Variants in DLGAP1 observed in about 807,000 individuals in gnomAD.
DLGAP1 encodes disks large-associated protein 1.
In DLGAP1, 11 loss-of-function variants were observed where a neutral mutation model predicts 90.8. That is an observed-to-expected ratio of 0.12 (90% CI 0.08 to 0.20). The LOEUF is 0.20. DLGAP1 is among the 10% of genes least tolerant of loss of function. DLGAP1 has a pLI of 1.00. For synonymous variants in DLGAP1, 558 were observed against 540.7 expected (o/e 1.03, Z -0.44); for missense variants, 1,050 against 1,333.8 (o/e 0.79, Z 3.31).
chr18:4,374,501 A>G (rs1321051598), intron 1 of DLGAP1, among the ~76,000 whole-genome samples: 2 of 152,168 alleles, frequency 1.3e-5, no homozygotes, highest in African/African-American at 4.8e-5. Flanking sequence ...GGGTAAACAA[A>G]TGCAGGATTA....
intron 1 of DLGAP1, among the ~76,000 whole-genome samples, chr18:4,430,024 A>C (rs562934597): frequency 9.8e-5 from 15 of 152,352 alleles, no homozygotes; most frequent in Non-Finnish European, 2.1e-4. Flanking sequence ...CGACTTTAGG[A>C]ATAATGCATG....
chr18:4,015,892 A>C (rs2074515234), intron 2 of DLGAP1, among the ~76,000 whole-genome samples: 1 of 152,240 alleles, frequency 6.6e-6, no homozygotes, highest in Non-Finnish European at 1.5e-5. Context: ...AATTCTTACA[A>C]GCCACTCCAA....
At chr18:4,269,624 C>A (rs56881740) in intron 1 of DLGAP1, among the ~76,000 whole-genome samples, 1 of 151,974 alleles carries the variant, frequency 6.6e-6, no homozygotes, top group African/African-American at 2.4e-5. Flanking sequence ...AAAGTGCTGG[C>A]ATTACAGGCG....
chr18:3,687,183 G>A (rs2060732089), intron 7 of DLGAP1, among the ~76,000 whole-genome samples: 1 of 152,198 alleles, frequency 6.6e-6, no homozygotes, highest in Non-Finnish European at 1.5e-5. Context: ...TGACATTTCA[G>A]AATTCCAAGA....
In DLGAP1 at chr18:4,146,816, G is replaced by C. The variant is rs557898028; in HGVS notation, c.-159+4364C>G. ...ACAGGCTTTTTCATGAGTGCGTTCT[G>C]AGGTTGACTGCACTACAGAATACAT... On this transcript the variant is annotated intron_variant, in intron 2 of 12. Coordinates refer to ENST00000315677, the MANE Select transcript of DLGAP1 (RefSeq NM_004746.4). 4.6e-5 allele frequency among the ~76,000 whole-genome samples: 7 copies of C among 152,156 alleles called. No individual in the cohort carries two copies. The South Asian group carries it at 1.5e-3, about 32-fold the overall frequency.
intron 2 of DLGAP1, among the ~76,000 whole-genome samples, chr18:4,149,378 CT>C (rs951915494): frequency 8.0e-5 from 12 of 150,522 alleles, no homozygotes; most frequent in East Asian, 3.9e-4. Context: ...AAACACAAAA[CT>C]TTTTTTTTTC....
At chr18:4,257,588 A>G (rs1006378102) in intron 1 of DLGAP1, among the ~76,000 whole-genome samples, 1 of 152,012 alleles carries the variant, frequency 6.6e-6, no homozygotes, top group Non-Finnish European at 1.5e-5. Flanking sequence ...GAAGACCTAA[A>G]GCTCTTTTAA....
chr18:3,800,443 T>G (rs898110638), intron 5 of DLGAP1, among the ~76,000 whole-genome samples: 2 of 152,254 alleles, frequency 1.3e-5, no homozygotes, highest in Admixed American at 6.5e-5. Context: ...AATGGAATAC[T>G]TTGCCATTGT....
intron 2 of DLGAP1, among the ~76,000 whole-genome samples, chr18:4,106,106 TTTTGTTTTGTTTTAAGA>T (rs1441142898): frequency 6.6e-6 from 1 of 151,784 alleles, no homozygotes; most frequent in Non-Finnish European, 1.5e-5. Flanking sequence ...AAGGTTTTTG[TTTTGTTTTGTTTTAAGA>T]AGTAGCAGTT....
intron 1 of DLGAP1, among the ~76,000 whole-genome samples, chr18:4,265,380 A>G (rs989775015): frequency 6.6e-6 from 1 of 151,730 alleles, no homozygotes; most frequent in Non-Finnish European, 1.5e-5. Flanking sequence ...TGTGTTAGCC[A>G]TGATGGTCTC....
chr18:4,162,233 G>GTA (rs1222472587), intron 1 of DLGAP1, among the ~76,000 whole-genome samples: 1 of 152,122 alleles, frequency 6.6e-6, no homozygotes, highest in Non-Finnish European at 1.5e-5. Context: ...GAGCTTATTA[G>GTA]TAGAGTTACA....
At chr18:4,408,237 G>T (rs546715696) in intron 1 of DLGAP1, among the ~76,000 whole-genome samples, 1 of 152,090 alleles carries the variant, frequency 6.6e-6, no homozygotes, top group African/African-American at 2.4e-5. Flanking sequence ...GCATATTCAC[G>T]GTAGTGGTTA....
intron 7 of DLGAP1, among the ~76,000 whole-genome samples, chr18:3,621,291 T>G (rs2058088443): frequency 8.8e-6 from 1 of 114,106 alleles, no homozygotes. Context: ...TAGGTTCTGC[T>G]AATGACCTCC....
chr18:3,586,007 C>A (rs2055861576), intron 7 of DLGAP1, among the ~76,000 whole-genome samples: 1 of 152,174 alleles, frequency 6.6e-6, no homozygotes, highest in Non-Finnish European at 1.5e-5. Context: ...AATTGGACGC[C>A]ACCTGGTGGC....
intron 7 of DLGAP1, among the ~76,000 whole-genome samples, chr18:3,632,702 A>G (rs1038320011): frequency 1.3e-5 from 2 of 152,052 alleles, no homozygotes; most frequent in African/African-American, 4.8e-5. Context: ...CAGTGAGAAG[A>G]TTACTTTCCT....
intron 2 of DLGAP1, among the ~76,000 whole-genome samples, chr18:4,074,652 TG>T (rs145088211): frequency 0.077 from 11,724 of 152,178 alleles, 566 homozygotes; most frequent in East Asian, 0.17. Flanking sequence ...TTTTTGTTGT[TG>T]TTAACATTTT....
At chr18:4,432,585 A>G (rs1317826971) in intron 1 of DLGAP1, among the ~76,000 whole-genome samples, 1 of 89,638 alleles carries the variant, frequency 1.1e-5, no homozygotes, top group Non-Finnish European at 2.3e-5. Flanking sequence ...CCATCACCTC[A>G]CATAGTGTGT....
chr18:4,396,715 ACCT>A (rs2082449852), intron 1 of DLGAP1, among the ~76,000 whole-genome samples: 1 of 151,802 alleles, frequency 6.6e-6, no homozygotes, highest in African/African-American at 2.4e-5. Flanking sequence ...AGAGAGAGAA[ACCT>A]CCTATATCTT....
chr18:3,523,720 G>A (rs556289043), intron 10 of DLGAP1, among the ~76,000 whole-genome samples: 51 of 152,048 alleles, frequency 3.4e-4, no homozygotes, highest in South Asian at 2.5e-3. Flanking sequence ...GGTGGCGTGC[G>A]CCCGTAGTCC....
Sources: allele counts gnomAD v4.1 joint callset (sites outside exome capture counted in the v4.1 genomes callset), GRCh38; gene constraint gnomAD v4.1.1; transcripts MANE v1.5; gene names NCBI Gene and HGNC (gene_info 2026-07-23, HGNC 2026-07-21).